The following CFAP54 variants were observed in gnomAD, a reference collection of about 807,000 sequenced individuals.
CFAP54 encodes the protein cilia and flagella associated protein 54, also known as cilia- and flagella-associated protein 54.
CFAP54 carries 290 observed loss-of-function variants against 370.4 expected under a neutral mutation model. The ratio of observed to expected loss-of-function variants is 0.78; its 90% CI spans 0.71 to 0.86. The LOEUF (loss-of-function observed/expected upper bound fraction) is 0.86. Among genes scored for constraint, CFAP54 ranks in the 40% least tolerant of loss-of-function variants. The pLI, the probability that CFAP54 is intolerant of heterozygous loss-of-function variation, is 0.00. For missense variants in CFAP54, 3,399 were observed against 3,528.7 expected (o/e 0.96, Z 0.93); for synonymous variants, 1,206 against 1,236.5 (o/e 0.98, Z 0.52).
chr12:96,630,592 A>T lies in CFAP54; in HGVS notation c.4257A>T (p.Glu1419Asp). ...AAAGAATAAGAAGTAAAAAAAAGGA[A>T]ACTCTAAGAGATTTCATTTTTAAAA... is the stretch of plus-strand genomic sequence containing the variant. ...MQQRIRSKKK[E>D]TLRDFIFKNP... The change falls in exon 32 of 68, where the codon GAA (glutamate) becomes GAT (aspartate). Residue 1419 changes from glutamate to aspartate, a missense_variant. Transcript: ENST00000524981. 1 of 1,504,500 alleles carries T rather than the reference A, an allele frequency of 6.6e-7. No individual in the cohort carries two copies. Among genetic ancestry groups the T allele is most frequent in the Non-Finnish European group, 8.8e-7 (1 of 1,132,630 alleles). The allele number at this position is 1,504,500 out of a possible 1,614,324, so 93.2% of individuals were successfully genotyped here.
intron 60 of CFAP54, among the ~76,000 whole-genome samples, chr12:96,774,743 A>G (rs1289752206): frequency 1.3e-5 from 2 of 152,168 alleles, no homozygotes; most frequent in East Asian, 1.9e-4. Flanking sequence ...AGAATATTAT[A>G]TGCCCTTTAT....
chr12:96,729,460 CCATGGG>C (rs1394674569), intron 50 of CFAP54, among the ~76,000 whole-genome samples: 1 of 152,342 alleles, frequency 6.6e-6, no homozygotes, highest in East Asian at 1.9e-4. Flanking sequence ...CAGCAAGATT[CCATGGG>C]CGTGGGCGTA....
intron 1 of CFAP54, among the ~76,000 whole-genome samples, chr12:96,495,556 A>G (rs1472005069): frequency 5.3e-5 from 8 of 151,180 alleles, no homozygotes; most frequent in Non-Finnish European, 8.8e-5. Context: ...CCTGACCTCA[A>G]GCGATCTGCC....
chr12:96,673,256 G>A (rs1957169304), intron 39 of CFAP54, among the ~76,000 whole-genome samples: 1 of 152,190 alleles, frequency 6.6e-6, no homozygotes, highest in African/African-American at 2.4e-5. Flanking sequence ...GTGGGCCTGT[G>A]ATTCAAACCC....
At chr12:96,778,770 A>T (rs961946344) in intron 60 of CFAP54, among the ~76,000 whole-genome samples, 6 of 152,162 alleles carry the variant, frequency 3.9e-5, no homozygotes, top group Non-Finnish European at 7.3e-5. Context: ...ATTGTTTTTT[A>T]AAAAATAAGC....
At chr12:96,511,168 CTA>C (rs1955162101) in intron 4 of CFAP54, among the ~76,000 whole-genome samples, 1 of 151,928 alleles carries the variant, frequency 6.6e-6, no homozygotes. Context: ...ATTGCATTCT[CTA>C]TGAAATTTAG....
At chr12:96,610,810 C>T (rs897933935) in intron 26 of CFAP54, among the ~76,000 whole-genome samples, 6 of 152,176 alleles carry the variant, frequency 3.9e-5, no homozygotes, top group Admixed American at 6.5e-5. Context: ...AGTCTGAGAC[C>T]GAGCTGCAAG....
intron 33 of CFAP54, among the ~76,000 whole-genome samples, chr12:96,644,961 A>G (rs1299129022): frequency 6.6e-6 from 1 of 152,232 alleles, no homozygotes; most frequent in Non-Finnish European, 1.5e-5. Context: ...ATAAGTGATA[A>G]TTTGATTGTA....
chr12:96,529,458 GTTTGCACACCCATCAACA>G (rs1955417401), intron 9 of CFAP54, among the ~76,000 whole-genome samples: 1 of 151,914 alleles, frequency 6.6e-6, no homozygotes, highest in African/African-American at 2.4e-5. Context: ...GTTTTTTTTA[GTTTGCACACCCATCAACA>G]TTTTATCAGG....
chr12:96,839,428 G>C (rs1959198176), intron 66 of CFAP54, among the ~76,000 whole-genome samples: 1 of 152,168 alleles, frequency 6.6e-6, no homozygotes, highest in Admixed American at 6.5e-5. Context: ...TGTAGCAGAA[G>C]AACAACACGA....
intron 2 of CFAP54, among the ~76,000 whole-genome samples, chr12:96,502,924 AAG>A (rs1955046757): frequency 6.6e-6 from 1 of 152,134 alleles, no homozygotes; most frequent in Non-Finnish European, 1.5e-5. Context: ...TGACAGATGA[AAG>A]AGAGGCAAGT....
intron 2 of CFAP54, 122 bp downstream of exon 2, chr12:96,501,061 G>A: frequency 1.8e-6 from 1 of 557,322 alleles, no homozygotes. Context: ...AAAAATAAAT[G>A]AGTACATAAA....
chr12:96,600,644 G>T (rs1165753995), intron 26 of CFAP54, among the ~76,000 whole-genome samples: 8 of 152,266 alleles, frequency 5.3e-5, no homozygotes, highest in Non-Finnish European at 1.0e-4. Flanking sequence ...CCATTTGTTT[G>T]TGTCCTCTGT....
chr12:96,817,294 G>C (rs1339161051), intron 64 of CFAP54, among the ~76,000 whole-genome samples: 1 of 152,112 alleles, frequency 6.6e-6, no homozygotes, highest in African/African-American at 2.4e-5. Flanking sequence ...TTAAGACTGT[G>C]TCTCTTTGCT....
chr12:96,649,280 T>C (rs1165529503), intron 34 of CFAP54, among the ~76,000 whole-genome samples: 1 of 152,196 alleles, frequency 6.6e-6, no homozygotes, highest in Non-Finnish European at 1.5e-5. Flanking sequence ...CCATAGAGTC[T>C]GGTTTTTGAA....
At chr12:96,737,215 A>G (rs1260670011) in intron 50 of CFAP54, among the ~76,000 whole-genome samples, 1 of 152,136 alleles carries the variant, frequency 6.6e-6, no homozygotes, top group Non-Finnish European at 1.5e-5. Flanking sequence ...GCACTCAAAA[A>G]GCTTTAGATT....
At chr12:96,751,465 C>A (rs566525845) in intron 55 of CFAP54, among the ~76,000 whole-genome samples, 1 of 152,104 alleles carries the variant, frequency 6.6e-6, no homozygotes, top group Admixed American at 6.5e-5. Context: ...TGTATCATAT[C>A]ATATGGCACT....
At chr12:96,569,835 T>A (rs1471328863) in intron 19 of CFAP54, among the ~76,000 whole-genome samples, 1 of 152,204 alleles carries the variant, frequency 6.6e-6, no homozygotes, top group Non-Finnish European at 1.5e-5. Flanking sequence ...TTTCTTGATA[T>A]CCCCTAAATA....
intron 50 of CFAP54, among the ~76,000 whole-genome samples, chr12:96,733,611 A>G (rs937688388): frequency 6.7e-5 from 10 of 150,272 alleles, no homozygotes; most frequent in Admixed American, 2.7e-4. Context: ...GTTTAAATGG[A>G]AAAATATTTG....
Sources: allele counts gnomAD v4.1 joint callset (sites outside exome capture counted in the v4.1 genomes callset), GRCh38; gene constraint gnomAD v4.1.1; transcripts MANE v1.5; gene names NCBI Gene and HGNC (gene_info 2026-07-23, HGNC 2026-07-21).